Variants in DLG2 observed in about 807,000 individuals in gnomAD.
DLG2 encodes disks large homolog 2.
In DLG2, 45 loss-of-function variants were observed where a neutral mutation model predicts 132.5. That is an observed-to-expected ratio of 0.34 (90% CI 0.27 to 0.44). DLG2 has a LOEUF of 0.44. Ranked by LOEUF, DLG2 falls within the 20% of genes least tolerant of loss-of-function variation. DLG2 has a pLI of 1.00. For missense variants in DLG2, 1,045 were observed against 1,196.9 expected (o/e 0.87, Z 1.87); for synonymous variants, 424 against 419.6 (o/e 1.01, Z -0.13).
At chr11:84,171,053 C>T (rs1019397681) in intron 8 of DLG2, among the ~76,000 whole-genome samples, 2 of 152,144 alleles carry the variant, frequency 1.3e-5, no homozygotes, top group Admixed American at 6.6e-5. Flanking sequence ...CTTGGCTCCA[C>T]TCGAGGACAT....
chr11:85,521,838 G>A (rs1565629282), intron 3 of DLG2, among the ~76,000 whole-genome samples: 1 of 151,944 alleles, frequency 6.6e-6, no homozygotes, highest in Non-Finnish European at 1.5e-5. Context: ...AACTTGACAG[G>A]AATAATTTAG....
At chr11:83,756,359 G>A (rs965116543) in intron 18 of DLG2, among the ~76,000 whole-genome samples, 8 of 151,524 alleles carry the variant, frequency 5.3e-5, no homozygotes, top group Non-Finnish European at 1.0e-4. Flanking sequence ...AAAGATATAA[G>A]ATTGCCAAAT....
intron 9 of DLG2, among the ~76,000 whole-genome samples, chr11:84,140,468 G>A (rs1254759844): frequency 6.6e-6 from 1 of 152,020 alleles, no homozygotes; most frequent in Non-Finnish European, 1.5e-5. Context: ...ATATAGATAC[G>A]TTTTTATGAG....
At chr11:85,472,084 A>C (rs1656612316) in intron 3 of DLG2, among the ~76,000 whole-genome samples, 1 of 152,136 alleles carries the variant, frequency 6.6e-6, no homozygotes, top group Admixed American at 6.5e-5. Flanking sequence ...CCTGAAAACC[A>C]AGCTGCCAGT....
chr11:84,859,536 T>C (rs2083333755), intron 6 of DLG2, among the ~76,000 whole-genome samples: 1 of 150,232 alleles, frequency 6.7e-6, no homozygotes, highest in African/African-American at 2.4e-5. Flanking sequence ...AAATATGTTA[T>C]AACCAACATA....
intron 19 of DLG2, among the ~76,000 whole-genome samples, chr11:83,617,511 A>T (rs906801588): frequency 6.6e-6 from 1 of 152,216 alleles, no homozygotes; most frequent in Non-Finnish European, 1.5e-5. Flanking sequence ...TTACTTTTTA[A>T]TTATAGCAGT....
In DLG2 at chr11:85,203,302, A is replaced by AGAGAAGAGCCATATAAACAAAATG. The variant is rs1565152631; in HGVS notation, c.187-48652_187-48651insCATTTTGTTTATATGGCTCTTCTC. On this transcript the variant is annotated intron_variant, in intron 4 of 27. Transcript: ENST00000376104. Reference sequence around the variant, plus strand: ...ACCTGTAGCTAGATTAAGACAAAAAAAGAGAAGAGCCATATAAACAAAATG... The same window carrying AGAGAAGAGCCATATAAACAAAATG: ...ACCTGTAGCTAGATTAAGACAAAAAAGAGAAGAGCCATATAAACAAAATGAGAGAAGAGCCATATAAACAAAATG... 4.3e-4 allele frequency among the ~76,000 whole-genome samples: 65 copies of AGAGAAGAGCCATATAAACAAAATG among 151,960 alleles called. No homozygotes were observed. The Middle Eastern group carries it at 0.024, about 56-fold the overall frequency.
intron 6 of DLG2, among the ~76,000 whole-genome samples, chr11:84,664,644 T>C (rs2099698054): frequency 6.6e-6 from 1 of 152,070 alleles, no homozygotes; most frequent in Admixed American, 6.6e-5. Context: ...GCAGGACAGA[T>C]GGGAAGTAGG....
chr11:85,161,153 T>C (rs559806829), intron 4 of DLG2, among the ~76,000 whole-genome samples: 2 of 152,294 alleles, frequency 1.3e-5, no homozygotes, highest in African/African-American at 2.4e-5. Context: ...TCGCATGGGA[T>C]TGCTCTCCAA....
At chr11:85,011,042 T>C (rs1215457974) in intron 6 of DLG2, among the ~76,000 whole-genome samples, 1 of 152,172 alleles carries the variant, frequency 6.6e-6, no homozygotes, top group African/African-American at 2.4e-5. Context: ...TTGAAGACTG[T>C]TTATTTTTCC....
intron 7 of DLG2, among the ~76,000 whole-genome samples, chr11:84,415,323 C>G (rs1047906896): frequency 6.6e-6 from 1 of 152,098 alleles, no homozygotes; most frequent in Admixed American, 6.6e-5. Context: ...TCCACAGACA[C>G]CATTTATTAA....
chr11:84,694,179 C>G (rs1407630249), intron 6 of DLG2, among the ~76,000 whole-genome samples: 1 of 151,574 alleles, frequency 6.6e-6, no homozygotes, highest in Non-Finnish European at 1.5e-5. Context: ...AAGACTTGAT[C>G]TGGTTCTTAA....
intron 7 of DLG2, among the ~76,000 whole-genome samples, chr11:84,453,906 G>A (rs1017845306): frequency 1.5e-4 from 23 of 151,634 alleles, no homozygotes; most frequent in Non-Finnish European, 3.2e-4. Context: ...TTGAGGATCA[G>A]AAGCCGTTCT....
intron 5 of DLG2, among the ~76,000 whole-genome samples, chr11:85,131,686 CAT>C (rs2075721537): frequency 6.6e-6 from 1 of 151,992 alleles, no homozygotes; most frequent in South Asian, 2.1e-4. Context: ...GATATTAGGC[CAT>C]ATGGGAAGAT....
chr11:84,502,284 T>C (rs372373510), intron 7 of DLG2, among the ~76,000 whole-genome samples: 409 of 3,442 alleles, frequency 0.12, 54 homozygotes, highest in African/African-American at 0.29. Context: ...CCTTCCTTCT[T>C]TCTTTCTTTC....
At chr11:83,702,174 A>G (rs533331541) in intron 18 of DLG2, among the ~76,000 whole-genome samples, 100 of 152,000 alleles carry the variant, frequency 6.6e-4, no homozygotes, top group Non-Finnish European at 1.0e-3. Flanking sequence ...TTCCCCTAAC[A>G]TATCTTCTCT....
intron 3 of DLG2, among the ~76,000 whole-genome samples, chr11:85,575,080 G>C (rs370630898): frequency 1.3e-5 from 2 of 150,840 alleles, no homozygotes; most frequent in African/African-American, 4.9e-5. Flanking sequence ...ATAATGCAGA[G>C]ATGATCATTT....
chr11:83,570,470 C>T (rs1248113349), intron 19 of DLG2, among the ~76,000 whole-genome samples: 3 of 152,154 alleles, frequency 2.0e-5, no homozygotes, highest in African/African-American at 4.8e-5. Flanking sequence ...CAGGAAAACA[C>T]ATATTCTCAT....
intron 18 of DLG2, among the ~76,000 whole-genome samples, chr11:83,695,351 A>T (rs192165640): frequency 1.3e-5 from 2 of 152,230 alleles, no homozygotes; most frequent in African/African-American, 4.8e-5. Flanking sequence ...TGTTACCGCT[A>T]TTAAGATAGA....
Sources: gnomAD v4.1 joint callset for allele counts (sites outside exome capture counted in the v4.1 genomes callset) on GRCh38, gnomAD v4.1.1 for gene constraint, MANE v1.5 for transcripts, NCBI Gene and HGNC (gene_info 2026-07-23, HGNC 2026-07-21) for gene names.